The following HYDIN variants were observed in gnomAD, a reference collection of about 807,000 sequenced individuals.
HYDIN encodes the protein HYDIN axonemal central pair apparatus protein.
In HYDIN, 132 loss-of-function variants were observed where a neutral mutation model predicts 403.9. The ratio of observed to expected loss-of-function variants is 0.33; its 90% CI spans 0.28 to 0.38. HYDIN has a LOEUF of 0.38. Among genes scored for constraint, HYDIN ranks in the 10% least tolerant of loss-of-function variants. HYDIN has a pLI of 1.00. For synonymous variants in HYDIN, 1,202 were observed against 1,891.7 expected (o/e 0.64, Z 9.46); for missense variants, 2,827 against 5,009.5 (o/e 0.56, Z 13.15).
chr16:70,839,784 T>C (rs1402845751), intron 76 of HYDIN, among the ~76,000 whole-genome samples: 5 of 145,270 alleles, frequency 3.4e-5, no homozygotes, highest in South Asian at 2.2e-4. Flanking sequence ...CCAAGTCTAT[T>C]GCACGACAAG....
At chr16:71,211,216 TGAG>T (rs2088571599) in intron 1 of HYDIN, among the ~76,000 whole-genome samples, 1 of 152,120 alleles carries the variant, frequency 6.6e-6, no homozygotes, top group Non-Finnish European at 1.5e-5. Flanking sequence ...CCCAAAAAGT[TGAG>T]GTAAATTCTG....
Position 70,941,498 on chromosome 16 carries a change from G to A in HYDIN, c.6853+138C>T, listed in dbSNP as rs1774356. ...GCGTTCATCATAGAACTTCCCAGCC[G>A]GCCACTCGCGTCCCAGTTCCCTCCT... On this transcript the variant is annotated intron_variant, in intron 43 of 85. Transcript: ENST00000393567. The A allele has an allele frequency of 1.3e-3, 705 of 538,826 alleles. 3 individuals are homozygous for A. The highest frequency in any genetic ancestry group is 0.01 in the African/African-American group (523 of 50,632). The allele number at this position is 538,826 out of a possible 1,614,324, so 33.4% of individuals were successfully genotyped here.
intron 8 of HYDIN, among the ~76,000 whole-genome samples, chr16:71,133,741 T>C (rs2084804873): frequency 6.6e-6 from 1 of 151,924 alleles, no homozygotes; most frequent in African/African-American, 2.4e-5. Flanking sequence ...TATGAAAGAA[T>C]CTTGCAGAAT....
At chr16:70,992,917 A>G (rs1419756215) in intron 23 of HYDIN, among the ~76,000 whole-genome samples, 5 of 152,152 alleles carry the variant, frequency 3.3e-5, no homozygotes, top group Admixed American at 3.3e-4. Flanking sequence ...GGTCACCCCC[A>G]TTCTTCCTGT....
intron 46 of HYDIN, among the ~76,000 whole-genome samples, chr16:70,919,407 G>C (rs1226725780): frequency 6.6e-6 from 1 of 151,718 alleles, no homozygotes; most frequent in East Asian, 2.0e-4. Context: ...CTGATGTTGT[G>C]TGTCCCCCAG....
chr16:71,210,464 T>C (rs1296770526), intron 1 of HYDIN, among the ~76,000 whole-genome samples: 1 of 151,118 alleles, frequency 6.6e-6, no homozygotes, highest in Non-Finnish European at 1.5e-5. Context: ...CAAGAACACA[T>C]GGACAGAAAG....
At chr16:71,053,384 T>C (rs570971845) in intron 18 of HYDIN, among the ~76,000 whole-genome samples, 31 of 152,380 alleles carry the variant, frequency 2.0e-4, no homozygotes, top group Admixed American at 3.9e-4. Flanking sequence ...GAGACAAGTA[T>C]TCTGTTCACT....
In HYDIN at chr16:70,806,361, T is replaced by G. The variant is rs2035107795; in HGVS notation, c.*1219A>C. On this transcript the variant is annotated 3_prime_UTR_variant, in exon 86 of 86. Coordinates refer to ENST00000393567, the MANE Select transcript of HYDIN (RefSeq NM_001270974.2). ...GTTTACAGACATTCTAGAAAAAGCTTTTTTGGTCCTAGAGTATACTGGGCT... is the reference window on the plus strand; with the variant it reads ...GTTTACAGACATTCTAGAAAAAGCTGTTTTGGTCCTAGAGTATACTGGGCT... Among the ~76,000 whole-genome samples the G allele has an allele frequency of 7.0e-6, 1 of 141,880 alleles. No individual in the cohort carries two copies. The highest frequency in any genetic ancestry group is 1.5e-5 in the Non-Finnish European group (1 of 67,954). The allele number at this position is 141,880 out of a possible 152,430, so 93.1% of individuals were successfully genotyped here.
chr16:70,905,182 T>G (rs923706984), intron 50 of HYDIN, among the ~76,000 whole-genome samples: 1 of 151,962 alleles, frequency 6.6e-6, no homozygotes, highest in Non-Finnish European at 1.5e-5. Context: ...CAGAGAACAC[T>G]CCGTATGAAT....
intron 1 of HYDIN, among the ~76,000 whole-genome samples, chr16:71,211,082 A>T (rs558237210): frequency 1.3e-5 from 2 of 152,276 alleles, no homozygotes; most frequent in East Asian, 3.9e-4. Context: ...AGTATGAGGA[A>T]CCTTCTCTAC....
intron 23 of HYDIN, among the ~76,000 whole-genome samples, chr16:71,004,332 A>G (rs1430757490): frequency 2.2e-5 from 3 of 138,272 alleles, no homozygotes; most frequent in African/African-American, 9.0e-5. Flanking sequence ...AAAAAAAAAA[A>G]GGAACTCTTG....
At chr16:70,925,060 T>C (rs909502202) in intron 45 of HYDIN, among the ~76,000 whole-genome samples, 1 of 152,122 alleles carries the variant, frequency 6.6e-6, no homozygotes, top group African/African-American at 2.4e-5. Context: ...ATGATCTCAG[T>C]CCTGATTGAG....
At chr16:70,950,776 C>T in intron 41 of HYDIN, among the ~76,000 whole-genome samples, 1 of 152,170 alleles carries the variant, frequency 6.6e-6, no homozygotes, top group Non-Finnish European at 1.5e-5. Flanking sequence ...CTGTTTCTCC[C>T]ATTCTATGTT....
chr16:70,943,703 G>C, intron 42 of HYDIN, 109 bp downstream of exon 42: 1 of 1,429,886 alleles, frequency 7.0e-7, no homozygotes, highest in East Asian at 2.4e-5. Flanking sequence ...CTGCCTTCCG[G>C]GCTGCCGAGC....
chr16:70,845,412 G>C (rs2038132310), intron 75 of HYDIN, among the ~76,000 whole-genome samples: 1 of 105,140 alleles, frequency 9.5e-6, no homozygotes, highest in Non-Finnish European at 1.8e-5. Context: ...TGGTGGATAA[G>C]CTTTCTGATG....
chr16:71,064,780 C>T lies in HYDIN; in HGVS notation c.2136G>A (p.Leu712=). The T allele has an allele frequency of 6.2e-7, 1 of 1,613,848 alleles. No individual in the cohort carries two copies. The highest frequency in any genetic ancestry group is 1.1e-5 in the South Asian group (1 of 90,988). Residue 712 remains leucine, a synonymous_variant, in exon 16 of 86, where the codon CTG becomes CTA. Transcript: ENST00000393567. ...NTEVDFGHCF[L]KYPYEKTLQL... is the part of the protein sequence containing the mutation. ...GGAGTGTTTTCTCATACGGGTACTT[C>T]AGGAAGCAGTGCCCAAAGTCCACCT...
At chr16:71,036,831 T>C (rs552229316) in intron 18 of HYDIN, among the ~76,000 whole-genome samples, 1 of 152,308 alleles carries the variant, frequency 6.6e-6, no homozygotes, top group Non-Finnish European at 1.5e-5. Flanking sequence ...TCCTTGTGTC[T>C]CTTTGGTGGT....
In HYDIN at chr16:71,028,810, C is replaced by T. The variant is rs375950639; in HGVS notation, c.2769-935G>A. On this transcript the variant is annotated intron_variant, in intron 19 of 85. Transcript: ENST00000393567. ...GTTGTGAATCTGTGTCCACGGGGCA[C>T]GCTCAAGGGAGCTTCTTTACTTGGT... Among the ~76,000 whole-genome samples the T allele has an allele frequency of 2.0e-4, 31 of 151,994 alleles. No homozygotes were observed. The East Asian group carries it at 4.6e-3, about 23-fold the overall frequency.
Position 70,892,133 on chromosome 16 carries a change from G to A in HYDIN, c.9417+228C>T, listed in dbSNP as rs1394576. Among the ~76,000 whole-genome samples, 362 of 151,072 alleles carry A rather than the reference G, an allele frequency of 2.4e-3. 2 individuals are homozygous for A. Among genetic ancestry groups the A allele is most frequent in the African/African-American group, 8.4e-3 (345 of 41,186 alleles). ...CTTGATGATGGGACTCAGCTTCCCT[G>A]CCTCTGATGCTCCCCAAAGACCTGG... On this transcript the variant is annotated intron_variant, in intron 56 of 85. Coordinates refer to ENST00000393567, the MANE Select transcript of HYDIN (RefSeq NM_001270974.2).
Sources: allele counts gnomAD v4.1 joint callset (sites outside exome capture counted in the v4.1 genomes callset), GRCh38; gene constraint gnomAD v4.1.1; transcripts MANE v1.5; gene names NCBI Gene and HGNC (gene_info 2026-07-23, HGNC 2026-07-21).